Variants in ANK2 observed in about 807,000 individuals in gnomAD.
The protein encoded by ANK2 is ankyrin 2, also known as ankyrin-2.
In ANK2, 83 loss-of-function variants were observed where a neutral mutation model predicts 360.5. The ratio of observed to expected loss-of-function variants is 0.23; its 90% CI spans 0.19 to 0.28. ANK2 has a LOEUF of 0.28. Among genes scored for constraint, ANK2 ranks in the 10% least tolerant of loss-of-function variants. The pLI is 1.00. For synonymous variants in ANK2, 1,740 were observed against 1,759.5 expected (o/e 0.99, Z 0.28); for missense variants, 4,201 against 4,795.7 (o/e 0.88, Z 3.66).
intron 17 of ANK2, among the ~76,000 whole-genome samples, chr4:113,281,232 T>C (rs1354566388): frequency 6.6e-6 from 1 of 152,094 alleles, no homozygotes; most frequent in Non-Finnish European, 1.5e-5. Context: ...TTTAAGGAAA[T>C]AGCATGACCT....
chr4:113,041,207 A>G (rs143457314), intron 2 of ANK2, among the ~76,000 whole-genome samples: 1 of 152,104 alleles, frequency 6.6e-6, no homozygotes, highest in Non-Finnish European at 1.5e-5. Flanking sequence ...TCTTTAAACC[A>G]TTAAATGGCT....
At chr4:113,023,913 T>C (rs1460856862) in intron 2 of ANK2, among the ~76,000 whole-genome samples, 1 of 152,216 alleles carries the variant, frequency 6.6e-6, no homozygotes, top group Non-Finnish European at 1.5e-5. Flanking sequence ...GGGGAACATA[T>C]TGCAGAACAC....
At chr4:112,865,247 T>G (rs1264608747) in intron 1 of ANK2, among the ~76,000 whole-genome samples, 1 of 152,058 alleles carries the variant, frequency 6.6e-6, no homozygotes, top group Non-Finnish European at 1.5e-5. Context: ...TGAAACTTAA[T>G]GTCGGCAGTT....
At position 113,237,050 on chromosome 4, in the gene ANK2, T is replaced by C. The variant is rs146891854; in HGVS notation, c.547T>C (p.Leu183=). 38 of 1,614,056 alleles carry C rather than the reference T, an allele frequency of 2.4e-5. No homozygotes were observed. The highest frequency in any genetic ancestry group is 2.3e-5 in the Non-Finnish European group (27 of 1,180,034). Reference sequence around the variant, plus strand: ...ACACAACCAGGCGGTGGCCATCCTCTTGGAGAATGACACCAAAGGGAAAGT... The same window carrying C: ...ACACAACCAGGCGGTGGCCATCCTCCTGGAGAATGACACCAAAGGGAAAGT... ...QGHNQAVAIL[L]ENDTKGKVRL... is the part of the protein sequence containing the mutation. The change falls in exon 6 of 46, where the codon TTG becomes CTG. Residue 183 remains leucine, a synonymous_variant. Coordinates refer to ENST00000357077, the MANE Select transcript of ANK2 (RefSeq NM_001148.6).
At chr4:113,275,601 G>C (rs933665171) in intron 15 of ANK2, among the ~76,000 whole-genome samples, 2 of 152,004 alleles carry the variant, frequency 1.3e-5, no homozygotes, top group Non-Finnish European at 2.9e-5. Flanking sequence ...GGCTTATCTG[G>C]TTGCCTGTTA....
intron 1 of ANK2, among the ~76,000 whole-genome samples, chr4:113,113,891 A>T (rs1216710488): frequency 6.6e-6 from 1 of 152,212 alleles, no homozygotes. Flanking sequence ...GAAAGATTTT[A>T]AAAACATCAA....
chr4:112,918,494 C>T (rs996306170), intron 2 of ANK2, among the ~76,000 whole-genome samples: 5 of 152,128 alleles, frequency 3.3e-5, no homozygotes, highest in South Asian at 2.1e-4. Flanking sequence ...GGAGACGTGG[C>T]GGAAACATCC....
intron 1 of ANK2, among the ~76,000 whole-genome samples, chr4:112,891,720 G>T (rs1277697725): frequency 6.6e-6 from 1 of 152,074 alleles, no homozygotes; most frequent in Admixed American, 6.5e-5. Flanking sequence ...TTTAAATGAG[G>T]TTATACATGC....
At chr4:112,765,703 A>G in the ANK2 span, among the ~76,000 whole-genome samples, 1 of 132,784 alleles carries the variant, frequency 7.5e-6, no homozygotes, top group Non-Finnish European at 1.5e-5. Flanking sequence ...TGTCTTTTAG[A>G]TAGTATATGT....
rs371919804 is a variant in ANK2, at chr4:113,358,274, G to T, written c.9656G>T (p.Ser3219Ile). 2.5e-6 allele frequency: 4 copies of T among 1,613,864 alleles called. No homozygotes were observed. Among genetic ancestry groups the T allele is most frequent in the African/African-American group, 2.7e-5 (2 of 74,926 alleles). ...GAAACACCTACAAAAGAAGCTGTTA[G>T]TGTAGGGACCAAGGACCTCCCCACC... ...STETPTKEAV[S>I]VGTKDLPTVQ... The change falls in exon 38 of 46, where the codon AGT becomes ATT. Residue 3219 changes from serine (S) to isoleucine (I), a missense_variant. By Grantham distance (142) the Ser-to-Ile change is moderately radical (BLOSUM62 -2). Around this residue, in one of 4 missense-constraint regions of ANK2, gnomAD observed 2,642 missense variants for 2,714.5 expected, o/e 0.97. Transcript: ENST00000357077.
At chr4:112,918,395 AT>A (rs2090529080) in intron 2 of ANK2, among the ~76,000 whole-genome samples, 1 of 152,046 alleles carries the variant, frequency 6.6e-6, no homozygotes, top group Non-Finnish European at 1.5e-5. Context: ...ACAAGTTTTC[AT>A]TTAGTGAAAA....
rs145839325 is a variant in ANK2 at position 113,356,090 on chromosome 4, C to T, written c.7472C>T (p.Ala2491Val). 1.2e-6 allele frequency: 2 copies of T among 1,614,022 alleles called. No homozygotes were observed. The highest frequency in any genetic ancestry group is 1.7e-6 in the Non-Finnish European group (2 of 1,180,008). The part of the protein sequence containing the change: ...GIFPSHFPLP[A>V]AVAKTELLTE... ...TTTCCAAGTCACTTTCCTCTTCCTG[C>T]AGCTGTTGCCAAAACAGAACTCTTG... The change falls in exon 38 of 46, where the codon GCA becomes GTA. Residue 2491 changes from alanine (A) to valine (V), a missense_variant. By Grantham distance (64) the Ala-to-Val change is moderately conservative (BLOSUM62 0). This residue lies in a region of ANK2 where 2,642 missense variants were observed against 2,714.5 expected (regional missense o/e 0.97). Coordinates refer to ENST00000357077, the MANE Select transcript of ANK2 (RefSeq NM_001148.6).
At chr4:113,089,017 C>A (rs932823901) in intron 1 of ANK2, among the ~76,000 whole-genome samples, 1 of 152,170 alleles carries the variant, frequency 6.6e-6, no homozygotes, top group Non-Finnish European at 1.5e-5. Context: ...CTCTCATACT[C>A]CAGTGGGCCC....
intron 24 of ANK2, among the ~76,000 whole-genome samples, chr4:113,317,155 AC>A (rs2083358747): frequency 6.6e-6 from 1 of 152,112 alleles, no homozygotes; most frequent in Non-Finnish European, 1.5e-5. Flanking sequence ...AGTTCATTTC[AC>A]TCTGTACCTT....
Position 113,303,750 on chromosome 4 carries a change from A to G in ANK2, c.2548+911A>G, listed in dbSNP as rs29313. On this transcript the variant is annotated intron_variant, in intron 23 of 45. Coordinates refer to ENST00000357077, the MANE Select transcript of ANK2 (RefSeq NM_001148.6). ...AAAAAAATCACGCAACCAAGTTTCA[A>G]TAGTTCAGCTATTGGTCCAATGAAC... Among the ~76,000 whole-genome samples, 137 of 152,362 alleles carry G rather than the reference A, an allele frequency of 9.0e-4. 2 individuals are homozygous for G. The East Asian group carries it at 0.024, about 27-fold the overall frequency.
chr4:113,363,345 A>G lies in ANK2; in HGVS notation c.10764A>G (p.Ala3588=). The change falls in exon 40 of 46, where the codon GCA becomes GCG. Residue 3588 remains alanine (A), a synonymous_variant. Coordinates refer to ENST00000357077, the MANE Select transcript of ANK2 (RefSeq NM_001148.6). Reference sequence around the variant, plus strand: ...TAGTATTTTATCTTCTAGAATTAGCAAGAGAACTGGATTTCACTGAGGAGC... The same window carrying G: ...TAGTATTTTATCTTCTAGAATTAGCGAGAGAACTGGATTTCACTGAGGAGC... ...DHLGFSWTEL[A]RELDFTEEQI... is the part of the protein sequence containing the mutation. The G allele has an allele frequency of 6.2e-7, 1 of 1,613,180 alleles. No individual in the cohort carries two copies. The highest frequency in any genetic ancestry group is 8.5e-7 in the Non-Finnish European group (1 of 1,179,496).
chr4:113,156,371 C>CTTTTTTTTTTTTTT (rs150536846), intron 1 of ANK2, among the ~76,000 whole-genome samples: 1,517 of 128,158 alleles, frequency 0.012, 102 homozygotes, highest in African/African-American at 0.035. Flanking sequence ...TAGAAAAATT[C>CTTTTTTTTTTTTTT]TTTTTTTTTT....
intron 2 of ANK2, among the ~76,000 whole-genome samples, chr4:112,945,481 T>C (rs1196027886): frequency 6.6e-6 from 1 of 152,240 alleles, no homozygotes; most frequent in Non-Finnish European, 1.5e-5. Flanking sequence ...GGGTCAGAGC[T>C]ACCTTTTCTG....
the ANK2 span, among the ~76,000 whole-genome samples, chr4:112,763,158 C>T: frequency 6.6e-6 from 1 of 151,844 alleles, no homozygotes; most frequent in Admixed American, 6.6e-5. Flanking sequence ...CCCCCAGGCT[C>T]AGGTGATTCA....
Sources: allele counts gnomAD v4.1 joint callset (sites outside exome capture counted in the v4.1 genomes callset), GRCh38; gene constraint gnomAD v4.1.1; regional missense constraint gnomAD v4.1.1; transcripts MANE v1.5; gene names NCBI Gene and HGNC (gene_info 2026-07-23, HGNC 2026-07-21).